The following USP34 variants were observed in gnomAD, a reference collection of about 807,000 sequenced individuals.
USP34 encodes ubiquitin specific peptidase 34, also known as ubiquitin carboxyl-terminal hydrolase 34.
A neutral mutation model predicts 460.3 loss-of-function variants in USP34; 70 were observed. The observed-to-expected ratio is 0.15, with a 90% CI of 0.13 to 0.19. The LOEUF (loss-of-function observed/expected upper bound fraction) is 0.19, where lower values mean the gene tolerates loss of function less well. Among genes scored for constraint, USP34 ranks in the 10% least tolerant of loss-of-function variants. The pLI is 1.00. For missense variants in USP34, 3,985 were observed against 4,236.2 expected, an observed-to-expected ratio of 0.94 and a Z score of 1.65; for synonymous variants, 1,647 against 1,405.3, an observed-to-expected ratio of 1.17 and a Z score of -3.85.
chr2:61,454,637 C>T (rs948644838), intron 1 of USP34, among the ~76,000 whole-genome samples: 1 of 152,038 alleles, frequency 6.6e-6, no homozygotes, highest in African/African-American at 2.4e-5. Context: ...TCAACCTCCG[C>T]CTCCCAAGTT....
intron 15 of USP34, among the ~76,000 whole-genome samples, chr2:61,344,391 C>CA (rs1345322812): frequency 3.3e-5 from 5 of 151,708 alleles, no homozygotes; most frequent in Non-Finnish European, 5.9e-5. Context: ...AGAATCAAAC[C>CA]AAAAAAACAT....
At chr2:61,383,189 CA>C in intron 6 of USP34, 79 bp downstream of exon 6, 2 of 1,070,766 alleles carry the variant, frequency 1.9e-6, no homozygotes, top group Non-Finnish European at 2.6e-6. Flanking sequence ...AGGGGACTTT[CA>C]AACAATATAA....
chr2:61,369,359 G>A (rs982631709), intron 10 of USP34, among the ~76,000 whole-genome samples: 3 of 151,972 alleles, frequency 2.0e-5, no homozygotes, highest in Admixed American at 6.6e-5. Context: ...GAAAAGACTC[G>A]GGGGGCCAGG....
At chr2:61,374,237 TAAACAAGTGTTAGG>T (rs1692724517) in intron 8 of USP34, among the ~76,000 whole-genome samples, 1 of 151,110 alleles carries the variant, frequency 6.6e-6, no homozygotes, top group African/African-American at 2.4e-5. Flanking sequence ...CCCTTATGCC[TAAACAAGTGTTAGG>T]GTTGGGATTC....
At chr2:61,282,291 T>A (rs550452795) in intron 37 of USP34, among the ~76,000 whole-genome samples, 2 of 152,294 alleles carry the variant, frequency 1.3e-5, no homozygotes, top group East Asian at 3.9e-4. Flanking sequence ...GAGCTAATAT[T>A]ATTAGACAAC....
At chr2:61,262,453 A>G (rs1688917802) in intron 43 of USP34, among the ~76,000 whole-genome samples, 1 of 152,094 alleles carries the variant, frequency 6.6e-6, no homozygotes, top group African/African-American at 2.4e-5. Flanking sequence ...CCCTGTTGCT[A>G]TGTTAGTTCA....
At chr2:61,300,127 C>G (rs1690175326) in intron 29 of USP34, among the ~76,000 whole-genome samples, 1 of 152,132 alleles carries the variant, frequency 6.6e-6, no homozygotes, top group East Asian at 1.9e-4. Context: ...GTTACTTTCT[C>G]CAAAGAAACT....
intron 1 of USP34, among the ~76,000 whole-genome samples, chr2:61,463,639 T>C (rs1385887859): frequency 6.6e-6 from 1 of 152,046 alleles, no homozygotes; most frequent in Non-Finnish European, 1.5e-5. Context: ...TTCAAGACCA[T>C]CCTGGCCAAC....
At chr2:61,291,574 A>C (rs908029662) in intron 33 of USP34, among the ~76,000 whole-genome samples, 3 of 152,194 alleles carry the variant, frequency 2.0e-5, no homozygotes, top group African/African-American at 7.2e-5. Context: ...AGATTTATGA[A>C]TGAATGTGTT....
intron 25 of USP34, among the ~76,000 whole-genome samples, chr2:61,314,060 G>C (rs944108952): frequency 2.6e-5 from 4 of 151,540 alleles, no homozygotes; most frequent in Non-Finnish European, 5.9e-5. Context: ...TATTACACAG[G>C]TTATGTCTAA....
chr2:61,355,289 T>C (rs1692069511), intron 10 of USP34, among the ~76,000 whole-genome samples: 1 of 152,150 alleles, frequency 6.6e-6, no homozygotes, highest in African/African-American at 2.4e-5. Flanking sequence ...ATAAGAAAGA[T>C]CTCTGATAAA....
chr2:61,456,435 G>GT (rs1233714470), intron 1 of USP34, among the ~76,000 whole-genome samples: 4 of 152,232 alleles, frequency 2.6e-5, no homozygotes, highest in African/African-American at 9.6e-5. Flanking sequence ...TTCTTGTACA[G>GT]TAAGTTCCAG....
At chr2:61,293,077 T>A (rs1413068311) in intron 33 of USP34, among the ~76,000 whole-genome samples, 1 of 152,068 alleles carries the variant, frequency 6.6e-6, no homozygotes, top group Non-Finnish European at 1.5e-5. Flanking sequence ...CGTTTTTAAT[T>A]ATTACTACTA....
chr2:61,417,339 C>G lies in USP34; in HGVS notation c.131+3407G>C. On this transcript the variant is annotated intron_variant, in intron 2 of 79. Coordinates refer to ENST00000398571, the MANE Select transcript of USP34 (RefSeq NM_014709.4). Reference sequence around the variant, plus strand: ...GTTTACAGCCATTGCACACTGGACCCCCATAAGGAAAGGAATTCAGTCAGC... The same window carrying G: ...GTTTACAGCCATTGCACACTGGACCGCCATAAGGAAAGGAATTCAGTCAGC... The G allele has an allele frequency of 4.8e-6, 3 of 630,640 alleles. No homozygotes were observed. The East Asian group carries it at 8.2e-5, about 17-fold the overall frequency. 39.1% of individuals were successfully genotyped at this position (630,640 alleles called of 1,614,324 possible).
chr2:61,331,137 G>A, intron 20 of USP34, 139 bp downstream of exon 20: 1 of 724,190 alleles, frequency 1.4e-6, no homozygotes, highest in Non-Finnish European at 2.2e-6. Context: ...AGTTCTAGCA[G>A]CCTTTTCATA....
chr2:61,359,072 T>A (rs1692194509), intron 10 of USP34, among the ~76,000 whole-genome samples: 1 of 152,192 alleles, frequency 6.6e-6, no homozygotes, highest in South Asian at 2.1e-4. Flanking sequence ...ATCTATTCTT[T>A]TTTACAAAAC....
chr2:61,383,029 T>C (rs954690850), intron 6 of USP34, among the ~76,000 whole-genome samples: 2 of 152,194 alleles, frequency 1.3e-5, no homozygotes, highest in Admixed American at 1.3e-4. Flanking sequence ...ATAACCATTA[T>C]TAATCTCTTT....
At chr2:61,449,161 G>A (rs2592353) in intron 1 of USP34, among the ~76,000 whole-genome samples, 3 of 43,304 alleles carry the variant, frequency 6.9e-5, no homozygotes, top group Non-Finnish European at 1.1e-4. Context: ...ATGGAGGGAC[G>A]GGAGGGACAG....
chr2:61,394,296 A>T (rs571317816), intron 5 of USP34, among the ~76,000 whole-genome samples: 5 of 152,274 alleles, frequency 3.3e-5, no homozygotes, highest in African/African-American at 1.2e-4. Flanking sequence ...GCATCATTTA[A>T]AGTAACCAAT....
Sources: gnomAD v4.1 joint callset for allele counts (sites outside exome capture counted in the v4.1 genomes callset) on GRCh38, gnomAD v4.1.1 for gene constraint, MANE v1.5 for transcripts, NCBI Gene and HGNC (gene_info 2026-07-23, HGNC 2026-07-21) for gene names.